CD80: variants seen among roughly 807,000 people sequenced by gnomAD.
CD80 encodes the protein CD80 molecule, also known as T-lymphocyte activation antigen CD80.
CD80 carries 13 observed loss-of-function variants against 27.1 expected under a neutral mutation model. That is an observed-to-expected ratio of 0.48 (90% CI 0.31 to 0.76). CD80 has a LOEUF of 0.76. CD80 is among the 30% of genes least tolerant of loss of function. The pLI is 0.04. For missense variants in CD80, 277 were observed against 347.9 expected (o/e 0.80, Z 1.62); for synonymous variants, 125 against 125.5 (o/e 1.00, Z 0.03).
At chr3:119,546,196 T>C (rs1264326312) in intron 2 of CD80, among the ~76,000 whole-genome samples, 2 of 152,210 alleles carry the variant, frequency 1.3e-5, no homozygotes, top group Non-Finnish European at 2.9e-5. Flanking sequence ...TTACTTCTTA[T>C]TTGGTTTACC....
intron 1 of CD80, 141 bp from the exon 2 acceptor site, chr3:119,558,069 G>A (rs976763198): frequency 2.4e-5 from 4 of 169,554 alleles, no homozygotes; most frequent in Non-Finnish European, 3.8e-5. Context: ...CTGAGGAAAA[G>A]CGAATGGAAA....
chr3:119,549,190 C>CT (rs2082217463), intron 2 of CD80, among the ~76,000 whole-genome samples: 1 of 151,094 alleles, frequency 6.6e-6, no homozygotes, highest in Non-Finnish European at 1.5e-5. Flanking sequence ...TATATCCTGC[C>CT]TTTATCTCTT....
chr3:119,528,596 T>G (rs867563550), intron 5 of CD80, among the ~76,000 whole-genome samples: 36 of 152,114 alleles, frequency 2.4e-4, no homozygotes, highest in African/African-American at 8.0e-4. Flanking sequence ...TCTAAAGAAC[T>G]GAGAAAATGG....
chr3:119,558,858 A>G (rs2222791), intron 1 of CD80, among the ~76,000 whole-genome samples: 26,466 of 152,026 alleles, frequency 0.17, 2,721 homozygotes, highest in South Asian at 0.27. Context: ...AAATGAAAAT[A>G]AACACTGTGC....
chr3:119,533,453 G>A (rs1361610352), intron 4 of CD80, among the ~76,000 whole-genome samples: 2 of 149,748 alleles, frequency 1.3e-5, no homozygotes, highest in Admixed American at 1.3e-4. Flanking sequence ...ATATGGTTTG[G>A]CTGTGTCCCC....
intron 5 of CD80, 80 bp from the exon 6 acceptor site, chr3:119,527,921 A>C: frequency 8.0e-7 from 1 of 1,246,926 alleles, no homozygotes; most frequent in Non-Finnish European, 1.2e-6. Context: ...TTACTTTAGC[A>C]AGGCTTCAGA....
chr3:119,555,650 G>A (rs2082260351), intron 2 of CD80, among the ~76,000 whole-genome samples: 1 of 152,206 alleles, frequency 6.6e-6, no homozygotes, highest in African/African-American at 2.4e-5. Flanking sequence ...CTCAGGCAGT[G>A]CCTGTGCCCT....
chr3:119,548,016 C>G (rs1402006498), intron 2 of CD80, among the ~76,000 whole-genome samples: 2 of 149,156 alleles, frequency 1.3e-5, no homozygotes, highest in East Asian at 3.9e-4. Context: ...GAGTCTTGTT[C>G]TTTTGCCCAG....
intron 2 of CD80, among the ~76,000 whole-genome samples, chr3:119,549,418 C>T (rs1253991764): frequency 1.3e-5 from 2 of 152,172 alleles, no homozygotes; most frequent in African/African-American, 4.8e-5. Context: ...TTCCTAGGCT[C>T]TTGTAGGACC....
chr3:119,535,440 G>A (rs1302787789), intron 4 of CD80, among the ~76,000 whole-genome samples: 1 of 152,098 alleles, frequency 6.6e-6, no homozygotes, highest in East Asian at 1.9e-4. Flanking sequence ...CTAGGGGTAG[G>A]GAGAGAGACC....
At chr3:119,533,104 C>G (rs112225152) in intron 4 of CD80, among the ~76,000 whole-genome samples, 3,918 of 152,296 alleles carry the variant, frequency 0.026, 74 homozygotes, top group Non-Finnish European at 0.039. Context: ...GGCTTCCACT[C>G]CACACCCATC....
chr3:119,526,963 C>G (rs1478184302), intron 6 of CD80, among the ~76,000 whole-genome samples: 1 of 152,094 alleles, frequency 6.6e-6, no homozygotes, highest in Non-Finnish European at 1.5e-5. Context: ...ATGAAAATAC[C>G]TGGGGATTTG....
At chr3:119,540,884 A>G (rs2082164112) in intron 3 of CD80, among the ~76,000 whole-genome samples, 2 of 152,032 alleles carry the variant, frequency 1.3e-5, no homozygotes, top group African/African-American at 4.8e-5. Context: ...CCTTGTCTCT[A>G]CTAAAAATAA....
chr3:119,544,706 T>G lies in CD80; in HGVS notation c.262A>C (p.Lys88Gln), dbSNP rs771359795. ...SGDMNIWPEY[K>Q]NRTIFDITNN... ...GTGATATCAAAGATGGTCCGGTTCT[T>G]GTACTCGGGCCATATATTCATGTCC... Residue 88 changes from lysine (K) to glutamine (Q), a missense_variant, in exon 3 of 7, where the codon AAG (lysine) becomes CAG (glutamine). Transcript: ENST00000264246. 3.7e-6 allele frequency: 6 copies of G among 1,614,100 alleles called. No individual in the cohort carries two copies. Among genetic ancestry groups the G allele is most frequent in the African/African-American group, 1.3e-5 (1 of 74,934 alleles).
intron 2 of CD80, among the ~76,000 whole-genome samples, chr3:119,552,762 G>A (rs963335137): frequency 6.6e-6 from 1 of 152,054 alleles, no homozygotes; most frequent in Non-Finnish European, 1.5e-5. Flanking sequence ...TAAGACATAC[G>A]CAACATGGAT....
At chr3:119,547,521 A>G (rs987726755) in intron 2 of CD80, among the ~76,000 whole-genome samples, 25 of 152,324 alleles carry the variant, frequency 1.6e-4, no homozygotes, top group African/African-American at 5.5e-4. Flanking sequence ...GAGGATACTT[A>G]TATCCTCTCT....
intron 2 of CD80, 57 bp from the exon 3 acceptor site, chr3:119,544,924 G>A (rs1231087858): frequency 5.7e-6 from 8 of 1,397,144 alleles, no homozygotes; most frequent in South Asian, 1.3e-5. Context: ...ATTCCTGCAT[G>A]GTCAGGAATC....
intron 3 of CD80, 47 bp from the exon 4 acceptor site, chr3:119,537,465 T>TAG: frequency 7.7e-7 from 1 of 1,304,560 alleles, no homozygotes; most frequent in Non-Finnish European, 1.1e-6. Flanking sequence ...TACAAACCTA[T>TAG]GTGTGTAGAG....
At chr3:119,549,691 G>T (rs2082221111) in intron 2 of CD80, among the ~76,000 whole-genome samples, 1 of 152,172 alleles carries the variant, frequency 6.6e-6, no homozygotes, top group Admixed American at 6.5e-5. Context: ...TGTGATGGTG[G>T]GTATTTGCAT....
Sources: allele counts gnomAD v4.1 joint callset (sites outside exome capture counted in the v4.1 genomes callset), GRCh38; gene constraint gnomAD v4.1.1; transcripts MANE v1.5; gene names NCBI Gene and HGNC (gene_info 2026-07-23, HGNC 2026-07-21).